The following CDC42BPA variants were observed in gnomAD, a reference collection of about 807,000 sequenced individuals.
CDC42BPA encodes the protein CDC42 binding protein kinase alpha.
In CDC42BPA, 80 loss-of-function variants were observed where a neutral mutation model predicts 223.5. The observed-to-expected ratio is 0.36, with a 90% CI of 0.30 to 0.43. The LOEUF is 0.43. Among genes scored for constraint, CDC42BPA ranks in the 20% least tolerant of loss-of-function variants. The probability of loss-of-function intolerance (pLI) is 1.00; values close to 1 mark genes in which losing one functional copy is unlikely to be tolerated. For synonymous variants in CDC42BPA, 694 were observed against 718.6 expected, an observed-to-expected ratio of 0.97 and a Z score of 0.55; for missense variants, 1,743 against 2,099.9, an observed-to-expected ratio of 0.83 and a Z score of 3.32.
At position 227,080,940 on chromosome 1, in the gene CDC42BPA, TTTC is replaced by T. The variant is rs769281654; in HGVS notation, c.2430_2432del (p.Lys811del). On this transcript the variant is annotated inframe_deletion, in exon 17 of 37. Coordinates refer to ENST00000366766, the MANE Select transcript of CDC42BPA (RefSeq NM_001394014.1). ...GGGCTTCCCAATGTGCAACTGATTC[TTTC>T]TTGTCTGCTAGATCTTTAACCTCTT... 7.4e-6 allele frequency: 12 copies of T among 1,613,794 alleles called. No individual in the cohort carries two copies. In the South Asian group the frequency reaches 1.1e-4, roughly 15 times the overall value.
At chr1:227,252,061 T>C (rs1378452983) in intron 2 of CDC42BPA, among the ~76,000 whole-genome samples, 7 of 152,006 alleles carry the variant, frequency 4.6e-5, no homozygotes, top group African/African-American at 7.2e-5. Context: ...GGAAAACATA[T>C]AGCCTTAAAC....
intron 10 of CDC42BPA, among the ~76,000 whole-genome samples, chr1:227,129,702 C>CATATATATATAT (rs1196658904): frequency 1.3e-4 from 9 of 70,918 alleles, no homozygotes; most frequent in Admixed American, 3.0e-4. Context: ...AAATCCACTG[C>CATATATATATAT]ATATATATAT....
chr1:227,188,088 G>A (rs1669123708), intron 5 of CDC42BPA, among the ~76,000 whole-genome samples: 1 of 152,044 alleles, frequency 6.6e-6, no homozygotes, highest in African/African-American at 2.4e-5. Context: ...ATCAGAGAAT[G>A]AATAAGTGAA....
intron 2 of CDC42BPA, among the ~76,000 whole-genome samples, chr1:227,251,538 A>G (rs186591592): frequency 6.6e-6 from 1 of 152,314 alleles, no homozygotes; most frequent in African/African-American, 2.4e-5. Context: ...AAAGGACAGA[A>G]TAAGATATTT....
intron 32 of CDC42BPA, among the ~76,000 whole-genome samples, chr1:227,021,917 G>C (rs1244372557): frequency 1.3e-5 from 2 of 151,932 alleles, no homozygotes; most frequent in Non-Finnish European, 2.9e-5. Flanking sequence ...CTACTCAGGA[G>C]GCTGAGGCAG....
rs4263966 is a variant in CDC42BPA at position 227,015,941 on chromosome 1, G to C, written c.4857+139C>G. 88,722 of 613,666 alleles carry C rather than the reference G, an allele frequency of 0.14. 7,027 individuals carry two copies. Among genetic ancestry groups the C allele is most frequent in the South Asian group, 0.22 (9,091 of 42,072 alleles). The allele number at this position is 613,666 out of a possible 1,614,324, so 38.0% of individuals were successfully genotyped here. A position where few individuals can be genotyped will look rare whatever the true frequency, so the allele number is the denominator to read the frequency against. ...ATCAGGTATGTCATCATGTATCTTAGACATATTGTGGTATACTGAGAGAAA... is the reference window on the plus strand; with the variant it reads ...ATCAGGTATGTCATCATGTATCTTACACATATTGTGGTATACTGAGAGAAA... On this transcript the variant is annotated intron_variant, in intron 34 of 36. Coordinates refer to ENST00000366766, the MANE Select transcript of CDC42BPA (RefSeq NM_001394014.1).
At chr1:227,218,334 C>T (rs560610064) in intron 2 of CDC42BPA, among the ~76,000 whole-genome samples, 1 of 152,280 alleles carries the variant, frequency 6.6e-6, no homozygotes, top group South Asian at 2.1e-4. Flanking sequence ...TCTGTTGCTG[C>T]TCATTACTTA....
chr1:227,200,460 A>C (rs891177468), intron 3 of CDC42BPA, among the ~76,000 whole-genome samples: 7 of 149,668 alleles, frequency 4.7e-5, no homozygotes, highest in African/African-American at 1.2e-4. Flanking sequence ...AAAAAACGAA[A>C]GAAAGAAAGA....
chr1:227,193,958 T>A (rs746907517), intron 4 of CDC42BPA, 24 bp from the exon 5 acceptor site: 3 of 1,571,816 alleles, frequency 1.9e-6, no homozygotes, highest in Non-Finnish European at 1.7e-6. Flanking sequence ...AAATAAAATG[T>A]ACTCAGTAAA....
At chr1:227,064,655 T>C (rs545914922) in intron 21 of CDC42BPA, among the ~76,000 whole-genome samples, 1 of 152,058 alleles carries the variant, frequency 6.6e-6, no homozygotes, top group African/African-American at 2.4e-5. Context: ...GCATGCACGG[T>C]TGAAGGAAAA....
intron 28 of CDC42BPA, among the ~76,000 whole-genome samples, chr1:227,030,929 T>C (rs2148662128): frequency 6.6e-6 from 1 of 152,324 alleles, no homozygotes; most frequent in South Asian, 2.1e-4. Flanking sequence ...CTCTGTGTTA[T>C]GTATTCCATC....
intron 22 of CDC42BPA, among the ~76,000 whole-genome samples, chr1:227,050,891 T>C (rs1673398158): frequency 6.6e-6 from 1 of 152,202 alleles, no homozygotes; most frequent in East Asian, 1.9e-4. Context: ...AATAAAAACC[T>C]GAAAAACAAG....
chr1:227,013,395 C>CTT (rs542850219), intron 34 of CDC42BPA, among the ~76,000 whole-genome samples: 2 of 149,730 alleles, frequency 1.3e-5, no homozygotes, highest in Non-Finnish European at 3.0e-5. Flanking sequence ...CTTTTTATCT[C>CTT]TTTTTTTTTC....
At chr1:227,176,412 T>C (rs1666969556) in intron 5 of CDC42BPA, among the ~76,000 whole-genome samples, 1 of 152,196 alleles carries the variant, frequency 6.6e-6, no homozygotes, top group African/African-American at 2.4e-5. Context: ...TTTCACGTTA[T>C]AAACACAACA....
intron 2 of CDC42BPA, among the ~76,000 whole-genome samples, chr1:227,245,868 A>G (rs940979428): frequency 6.6e-6 from 1 of 152,184 alleles, no homozygotes; most frequent in Admixed American, 6.5e-5. Context: ...ACTTGCTTCA[A>G]AGGAGACCCA....
At chr1:227,165,596 T>C (rs1664896394) in intron 5 of CDC42BPA, among the ~76,000 whole-genome samples, 1 of 152,166 alleles carries the variant, frequency 6.6e-6, no homozygotes, top group Admixed American at 6.6e-5. Flanking sequence ...ATGCAACCAT[T>C]ATCTACCAAG....
At chr1:227,084,737 C>T (rs1409546288) in intron 16 of CDC42BPA, among the ~76,000 whole-genome samples, 8 of 151,982 alleles carry the variant, frequency 5.3e-5, no homozygotes, top group African/African-American at 1.9e-4. Context: ...GATCTATTTA[C>T]AGGTTTTTAG....
chr1:227,146,937 G>C (rs1195077044), intron 7 of CDC42BPA, among the ~76,000 whole-genome samples: 3 of 152,036 alleles, frequency 2.0e-5, no homozygotes, highest in South Asian at 2.1e-4. Flanking sequence ...TTATGGTACA[G>C]AGTACTATTT....
chr1:227,299,628 T>C (rs1173766199), intron 1 of CDC42BPA, among the ~76,000 whole-genome samples: 3 of 152,206 alleles, frequency 2.0e-5, no homozygotes, highest in African/African-American at 7.2e-5. Context: ...CTAAAATGAT[T>C]ACAGATTTAT....
Sources: gnomAD v4.1 joint callset for allele counts (sites outside exome capture counted in the v4.1 genomes callset) on GRCh38, gnomAD v4.1.1 for gene constraint, MANE v1.5 for transcripts, NCBI Gene and HGNC (gene_info 2026-07-23, HGNC 2026-07-21) for gene names.